Variants in RGS5 observed in about 807,000 individuals in gnomAD.
RGS5 encodes the protein regulator of G protein signaling 5.
In RGS5, 20 loss-of-function variants were observed where a neutral mutation model predicts 18.9. That is an observed-to-expected ratio of 1.06 (90% CI 0.74 to 1.54). The LOEUF (loss-of-function observed/expected upper bound fraction) is 1.54. Among genes scored for constraint, RGS5 ranks in the 40% most tolerant of loss-of-function variants. RGS5 has a pLI of 0.00. For missense variants in RGS5, 201 were observed against 211.8 expected (o/e 0.95, Z 0.32); for synonymous variants, 57 against 76.2 (o/e 0.75, Z 1.31).
rs186270522 is a variant in RGS5, at chr1:163,159,990, C to T, written c.217+1925G>A. ...TACTGTGAGGCTCTTGGGCCTCAATCTCAACACGATGGTAATCATCTGTTT... is the reference window on the plus strand; with the variant it reads ...TACTGTGAGGCTCTTGGGCCTCAATTTCAACACGATGGTAATCATCTGTTT... On this transcript the variant is annotated intron_variant, in intron 3 of 4. Transcript: ENST00000313961. 2.0e-5 allele frequency among the ~76,000 whole-genome samples: 3 copies of T among 152,278 alleles called. No individual in the cohort carries two copies. In the East Asian group the frequency reaches 5.8e-4, roughly 29 times the overall value.
At chr1:163,160,995 C>T (rs900404414) in intron 3 of RGS5, among the ~76,000 whole-genome samples, 2 of 152,274 alleles carry the variant, frequency 1.3e-5, no homozygotes, top group East Asian at 3.9e-4. Context: ...GAACATAAGG[C>T]AGCAAGTATT....
At chr1:163,305,652 C>G (rs1173953932) in intron 2 of RGS5, among the ~76,000 whole-genome samples, 1 of 152,228 alleles carries the variant, frequency 6.6e-6, no homozygotes, top group Non-Finnish European at 1.5e-5. Context: ...CCTTGACAAG[C>G]TCTCCTAAGG....
At chr1:163,272,235 C>T (rs1387088749) in intron 2 of RGS5, among the ~76,000 whole-genome samples, 1 of 151,714 alleles carries the variant, frequency 6.6e-6, no homozygotes, top group Non-Finnish European at 1.5e-5. Flanking sequence ...ATGTCTATGC[C>T]TACCTTTTGC....
chr1:163,313,551 A>C (rs1213844630), intron 1 of RGS5, among the ~76,000 whole-genome samples: 1 of 152,216 alleles, frequency 6.6e-6, no homozygotes, highest in Non-Finnish European at 1.5e-5. Context: ...GAAGGCCTAG[A>C]AGGTCTGTGT....
At chr1:163,215,481 T>C (rs550875025) in intron 1 of RGS5, among the ~76,000 whole-genome samples, 1 of 152,262 alleles carries the variant, frequency 6.6e-6, no homozygotes, top group African/African-American at 2.4e-5. Flanking sequence ...TACTAGTGTG[T>C]CAGTGGGAAA....
intron 1 of RGS5, among the ~76,000 whole-genome samples, chr1:163,194,536 T>C (rs550115603): frequency 1.3e-5 from 2 of 152,228 alleles, no homozygotes; most frequent in East Asian, 1.9e-4. Context: ...GCACATGACT[T>C]ATCCTCCACT....
At chr1:163,208,290 G>A (rs1332247971) in intron 1 of RGS5, among the ~76,000 whole-genome samples, 2 of 132,596 alleles carry the variant, frequency 1.5e-5, no homozygotes, top group East Asian at 2.6e-4. Context: ...GGAGCTTGCA[G>A]TGAGCCGAGA....
intron 1 of RGS5, among the ~76,000 whole-genome samples, chr1:163,320,244 C>T (rs977417052): frequency 6.6e-6 from 1 of 152,252 alleles, no homozygotes; most frequent in East Asian, 1.9e-4. Flanking sequence ...AAGGTATTTT[C>T]CTAGGGACCA....
chr1:163,291,321 C>T (rs1238465846), intron 2 of RGS5, among the ~76,000 whole-genome samples: 3 of 152,122 alleles, frequency 2.0e-5, no homozygotes, highest in African/African-American at 7.2e-5. Flanking sequence ...TGCCTTTACC[C>T]TTCAAGCTGC....
At chr1:163,222,306 G>C (rs1398273953), upstream of RGS5, among the ~76,000 whole-genome samples, 1 of 152,004 alleles carries the variant, frequency 6.6e-6, no homozygotes, top group Non-Finnish European at 1.5e-5. Context: ...CTGTGCATGC[G>C]AGGAATCTAG....
At chr1:163,239,483 C>T (rs1195072300) in intron 2 of RGS5, among the ~76,000 whole-genome samples, 25 of 137,472 alleles carry the variant, frequency 1.8e-4, no homozygotes, top group African/African-American at 6.6e-4. Flanking sequence ...AAGAATCCGT[C>T]TCTTAAAAAA....
Position 163,143,204 on chromosome 1 carries a change from C to T in RGS5, c.*4138G>A, listed in dbSNP as rs1310485173. ...GCTGCTAAATTGTTAACTAAAGAGC[C>T]TTGTGCGAAGCAAGTGTTCGATACG... is the stretch of plus-strand genomic sequence containing the variant. On this transcript the variant is annotated 3_prime_UTR_variant, in exon 5 of 5. Transcript: ENST00000313961. 1 of 152,134 alleles carries T rather than the reference C, an allele frequency of 6.6e-6. No homozygotes were observed. Among genetic ancestry groups the T allele is most frequent in the Admixed American group, 6.6e-5 (1 of 15,256 alleles). 9.4% of individuals were successfully genotyped at this position (152,134 alleles called of 1,614,324 possible).
At chr1:163,157,853 T>C (rs1284405698) in intron 3 of RGS5, among the ~76,000 whole-genome samples, 1 of 152,164 alleles carries the variant, frequency 6.6e-6, no homozygotes, top group Non-Finnish European at 1.5e-5. Context: ...TCCTTTTTTC[T>C]GTTTTTCAGA....
intron 1 of RGS5, among the ~76,000 whole-genome samples, chr1:163,174,070 C>T (rs1046044093): frequency 2.6e-5 from 4 of 152,036 alleles, no homozygotes; most frequent in African/African-American, 9.7e-5. Context: ...AGCAAGACTC[C>T]ATCTCTAAAT....
chr1:163,166,301 G>A (rs1412630501), intron 2 of RGS5, among the ~76,000 whole-genome samples: 1 of 146,988 alleles, frequency 6.8e-6, no homozygotes, highest in African/African-American at 2.5e-5. Flanking sequence ...TTTTAAAAGT[G>A]AGAACTCAAA....
At chr1:163,169,548 C>T (rs1268311876) in intron 1 of RGS5, among the ~76,000 whole-genome samples, 4 of 152,096 alleles carry the variant, frequency 2.6e-5, no homozygotes, top group African/African-American at 4.8e-5. Context: ...TTTTGATGAT[C>T]GCCATTCTAA....
rs149517556 is a variant in RGS5, at chr1:163,156,433, C to T, written c.218-3717G>A. ...AAGCCCAACTCCAATGTTGCCTCAT[C>T]TGTGAGGTAGCCTTTACTTACTACC... On this transcript the variant is annotated intron_variant, in intron 3 of 4. Coordinates refer to ENST00000313961, the MANE Select transcript of RGS5 (RefSeq NM_003617.4). Among the ~76,000 whole-genome samples the T allele has an allele frequency of 3.9e-5, 6 of 152,302 alleles. No individual in the cohort carries two copies. The East Asian group carries it at 5.8e-4, about 15-fold the overall frequency.
chr1:163,288,734 A>G (rs1210713520), intron 2 of RGS5, among the ~76,000 whole-genome samples: 1 of 152,162 alleles, frequency 6.6e-6, no homozygotes, highest in Non-Finnish European at 1.5e-5. Flanking sequence ...GTCTTACTCT[A>G]TCAGGAACTT....
intron 2 of RGS5, among the ~76,000 whole-genome samples, chr1:163,223,135 G>C (rs116274445): frequency 3.1e-3 from 467 of 152,256 alleles, no homozygotes; most frequent in African/African-American, 0.01. Flanking sequence ...ATGAGCCACT[G>C]CGCCCAGCCT....
Sources: gnomAD v4.1 joint callset for allele counts (sites outside exome capture counted in the v4.1 genomes callset) on GRCh38, gnomAD v4.1.1 for gene constraint, MANE v1.5 for transcripts, NCBI Gene and HGNC (gene_info 2026-07-23, HGNC 2026-07-21) for gene names.